The following CADM2 variants were observed in gnomAD, a reference collection of about 807,000 sequenced individuals.
CADM2 encodes the protein cell adhesion molecule 2.
A neutral mutation model predicts 49.8 loss-of-function variants in CADM2; 12 were observed. That is an observed-to-expected ratio of 0.24 (90% confidence interval 0.15 to 0.39). CADM2 has a LOEUF of 0.39. CADM2 is among the 10% of genes least tolerant of loss of function. CADM2 has a pLI of 1.00. For missense variants in CADM2, 378 were observed against 492.3 expected (o/e 0.77, Z 2.20); for synonymous variants, 214 against 175.4 (o/e 1.22, Z -1.74).
chr3:85,382,123 C>A (rs1022143724), intron 1 of CADM2, among the ~76,000 whole-genome samples: 6 of 151,808 alleles, frequency 4.0e-5, no homozygotes, highest in African/African-American at 1.5e-4. Flanking sequence ...AGACTTACTG[C>A]AGTGGTAATT....
intron 1 of CADM2, among the ~76,000 whole-genome samples, chr3:85,298,291 A>C (rs567228949): frequency 1.2e-4 from 18 of 152,198 alleles, no homozygotes; most frequent in African/African-American, 4.3e-4. Flanking sequence ...AAAGGAGCAA[A>C]GGATGGAACC....
At chr3:85,265,906 G>T (rs1477141619) in intron 1 of CADM2, among the ~76,000 whole-genome samples, 1 of 151,658 alleles carries the variant, frequency 6.6e-6, no homozygotes, top group East Asian at 1.9e-4. Flanking sequence ...TCCTTTTTCT[G>T]CCCTCCAGTA....
chr3:85,248,032 C>G (rs900951099), intron 1 of CADM2, among the ~76,000 whole-genome samples: 13 of 152,026 alleles, frequency 8.6e-5, no homozygotes, highest in Non-Finnish European at 1.8e-4. Flanking sequence ...TTGAAAAATC[C>G]TCACTCAGAT....
chr3:85,909,496 G>A (rs1244300527), intron 5 of CADM2, among the ~76,000 whole-genome samples: 2 of 151,870 alleles, frequency 1.3e-5, no homozygotes, highest in Non-Finnish European at 1.5e-5. Context: ...GATGGGAAGA[G>A]TAAGTCCCAC....
At chr3:85,730,005 G>A (rs1018341550) in intron 2 of CADM2, among the ~76,000 whole-genome samples, 1 of 152,120 alleles carries the variant, frequency 6.6e-6, no homozygotes, top group Non-Finnish European at 1.5e-5. Flanking sequence ...CTCATGACAT[G>A]AATATTAGTC....
At chr3:85,101,825 G>T (rs1286249332) in intron 1 of CADM2, among the ~76,000 whole-genome samples, 1 of 152,142 alleles carries the variant, frequency 6.6e-6, no homozygotes, top group African/African-American at 2.4e-5. Context: ...ATCGGATTTT[G>T]TGTACAGACA....
intron 1 of CADM2, among the ~76,000 whole-genome samples, chr3:85,032,162 C>T (rs1004166113): frequency 3.3e-5 from 5 of 151,044 alleles, no homozygotes; most frequent in East Asian, 1.9e-4. Context: ...AAATAAGTGG[C>T]TATATTTGAA....
intron 1 of CADM2, among the ~76,000 whole-genome samples, chr3:85,402,656 A>G (rs1203432847): frequency 4.6e-5 from 7 of 152,190 alleles, no homozygotes; most frequent in Admixed American, 1.3e-4. Flanking sequence ...TGACTCTGCA[A>G]TTTGAGTCTG....
rs1443532712 is a variant in CADM2, at chr3:85,032,948, G to C, written c.61+73280G>C. On this transcript the variant is annotated intron_variant, in intron 1 of 9. Transcript: ENST00000383699. ...AATAAATCTTGTTTTTCTCTTGCAT[G>C]CTGAGAGATTTTCAGTAATATTCTC... is the stretch of plus-strand genomic sequence containing the variant. Among the ~76,000 whole-genome samples the C allele has an allele frequency of 5.3e-5, 8 of 152,006 alleles. No homozygotes were observed. In the South Asian group the frequency reaches 1.7e-3, roughly 32 times the overall value.
chr3:85,954,009 T>G (rs1723755493), intron 7 of CADM2, among the ~76,000 whole-genome samples: 1 of 150,984 alleles, frequency 6.6e-6, no homozygotes, highest in African/African-American at 2.4e-5. Flanking sequence ...CATAGATGTT[T>G]CATTTATTAT....
chr3:85,069,091 C>T (rs541536100), intron 1 of CADM2, among the ~76,000 whole-genome samples: 59 of 151,986 alleles, frequency 3.9e-4, no homozygotes, highest in African/African-American at 1.4e-3. Context: ...CAATTATGGC[C>T]GTTGATGCCT....
chr3:85,521,325 G>T (rs1415983773), intron 1 of CADM2, among the ~76,000 whole-genome samples: 1 of 152,038 alleles, frequency 6.6e-6, no homozygotes, highest in Non-Finnish European at 1.5e-5. Flanking sequence ...TTCCCCAGAA[G>T]AATTACATAT....
At chr3:85,058,621 T>A (rs991041985) in intron 1 of CADM2, among the ~76,000 whole-genome samples, 4 of 151,776 alleles carry the variant, frequency 2.6e-5, no homozygotes, top group Admixed American at 2.0e-4. Flanking sequence ...ATTTTGTATG[T>A]TTTTGTAGAG....
At chr3:85,220,234 T>A (rs762836334) in intron 1 of CADM2, among the ~76,000 whole-genome samples, 4 of 152,068 alleles carry the variant, frequency 2.6e-5, no homozygotes, top group African/African-American at 4.8e-5. Flanking sequence ...TAGGTCTTTT[T>A]TAGTTCAAGA....
chr3:85,442,075 CA>C (rs566627434), intron 1 of CADM2, among the ~76,000 whole-genome samples: 1 of 152,022 alleles, frequency 6.6e-6, no homozygotes, highest in Non-Finnish European at 1.5e-5. Context: ...TGAAAATAGG[CA>C]AAATCTACCC....
chr3:85,250,831 T>C (rs1475091125), intron 1 of CADM2, among the ~76,000 whole-genome samples: 5 of 151,756 alleles, frequency 3.3e-5, no homozygotes, highest in African/African-American at 9.7e-5. Context: ...TTAATCATTG[T>C]ATAGGAAGAT....
At chr3:85,207,386 G>C (rs1255857973) in intron 1 of CADM2, among the ~76,000 whole-genome samples, 1 of 151,994 alleles carries the variant, frequency 6.6e-6, no homozygotes, top group Non-Finnish European at 1.5e-5. Context: ...TTGGGTAACA[G>C]ACATTTTATT....
intron 1 of CADM2, among the ~76,000 whole-genome samples, chr3:85,154,968 C>A (rs543076248): frequency 1.3e-5 from 2 of 151,748 alleles, no homozygotes; most frequent in Non-Finnish European, 2.9e-5. Context: ...ACAACCGGTA[C>A]CAGCCGCTGC....
chr3:85,008,560 GA>G (rs1317591641), intron 1 of CADM2, among the ~76,000 whole-genome samples: 1 of 151,844 alleles, frequency 6.6e-6, no homozygotes, highest in Non-Finnish European at 1.5e-5. Context: ...AAAAGTGAGG[GA>G]AAAAATATAG....
Sources: gnomAD v4.1 joint callset for allele counts (sites outside exome capture counted in the v4.1 genomes callset) on GRCh38, gnomAD v4.1.1 for gene constraint, MANE v1.5 for transcripts, NCBI Gene and HGNC (gene_info 2026-07-23, HGNC 2026-07-21) for gene names.